Variants in KAT6B observed in about 807,000 individuals in gnomAD.
KAT6B encodes the protein lysine acetyltransferase 6B, also known as histone acetyltransferase KAT6B.
In KAT6B, 10 loss-of-function variants were observed where a neutral mutation model predicts 187.5. That is an observed-to-expected ratio of 0.05 (90% CI 0.03 to 0.09). The LOEUF is 0.09. Ranked by LOEUF, KAT6B falls within the 10% of genes least tolerant of loss-of-function variation. KAT6B has a pLI of 1.00. For missense variants in KAT6B, 1,952 were observed against 2,558.9 expected, an observed-to-expected ratio of 0.76 and a Z score of 5.12; for synonymous variants, 861 against 926.8, an observed-to-expected ratio of 0.93 and a Z score of 1.29.
At chr10:74,978,109 C>T (rs1028240267) in intron 9 of KAT6B, among the ~76,000 whole-genome samples, 6 of 152,232 alleles carry the variant, frequency 3.9e-5, no homozygotes, top group African/African-American at 1.2e-4. Flanking sequence ...TACCCAACCC[C>T]ACTTCCTGTT....
At chr10:74,874,496 A>G (rs927449199) in intron 3 of KAT6B, among the ~76,000 whole-genome samples, 1 of 151,408 alleles carries the variant, frequency 6.6e-6, no homozygotes, top group Non-Finnish European at 1.5e-5. Flanking sequence ...CTCCTGCCTC[A>G]GTCTCCCGAG....
At chr10:74,976,369 C>T (rs376937808) in intron 8 of KAT6B, 39 bp downstream of exon 8, 179 of 1,539,558 alleles carry the variant, frequency 1.2e-4, no homozygotes, top group Non-Finnish European at 1.5e-4. Flanking sequence ...ACCTGCGTCC[C>T]GTCCCTTTCT....
chr10:74,855,191 G>A (rs1318433991), intron 3 of KAT6B, among the ~76,000 whole-genome samples: 1 of 152,192 alleles, frequency 6.6e-6, no homozygotes, highest in African/African-American at 2.4e-5. Flanking sequence ...ATGTCAGTGA[G>A]CTGCCATATG....
At chr10:74,948,370 T>A (rs1840086711) in intron 3 of KAT6B, among the ~76,000 whole-genome samples, 1 of 152,258 alleles carries the variant, frequency 6.6e-6, no homozygotes, top group Admixed American at 6.5e-5. Context: ...CATGTAAATC[T>A]CTGTGAGTGC....
At chr10:74,935,335 A>G (rs1477260724) in intron 3 of KAT6B, among the ~76,000 whole-genome samples, 3 of 152,214 alleles carry the variant, frequency 2.0e-5, no homozygotes, top group Non-Finnish European at 2.9e-5. Context: ...AATTTGGAAA[A>G]GTATTTAGAA....
chr10:74,855,308 T>C (rs1351767132), intron 3 of KAT6B, among the ~76,000 whole-genome samples: 1 of 152,214 alleles, frequency 6.6e-6, no homozygotes, highest in Non-Finnish European at 1.5e-5. Context: ...CTGTTTCTGT[T>C]AGTAGTTTCT....
intron 3 of KAT6B, among the ~76,000 whole-genome samples, chr10:74,872,445 G>A (rs1337182035): frequency 6.6e-6 from 1 of 151,998 alleles, no homozygotes; most frequent in Non-Finnish European, 1.5e-5. Flanking sequence ...ACACGATCTC[G>A]GCTCAGCGCA....
chr10:74,914,308 AGTCCT>A (rs1364550230), intron 3 of KAT6B, among the ~76,000 whole-genome samples: 1 of 152,214 alleles, frequency 6.6e-6, no homozygotes, highest in Non-Finnish European at 1.5e-5. Flanking sequence ...AGAAATTTTA[AGTCCT>A]GTGACAGAAA....
chr10:75,016,863 T>G (rs896922383), intron 13 of KAT6B, among the ~76,000 whole-genome samples: 4 of 148,124 alleles, frequency 2.7e-5, no homozygotes, highest in African/African-American at 1.0e-4. Context: ...TAAGTGCTTT[T>G]TTTTTTTTTT....
chr10:74,991,035 C>T (rs1843099869), intron 13 of KAT6B, among the ~76,000 whole-genome samples: 1 of 152,122 alleles, frequency 6.6e-6, no homozygotes, highest in Non-Finnish European at 1.5e-5. Context: ...AAATCCTGCC[C>T]ATTGTTAAGA....
At chr10:74,860,745 C>T (rs1843119289) in intron 3 of KAT6B, among the ~76,000 whole-genome samples, 1 of 152,194 alleles carries the variant, frequency 6.6e-6, no homozygotes, top group East Asian at 1.9e-4. Context: ...CGCCTGTAAC[C>T]CCAGCACTTT....
chr10:74,942,218 A>G (rs1050382844), intron 3 of KAT6B, among the ~76,000 whole-genome samples: 3 of 152,210 alleles, frequency 2.0e-5, no homozygotes, highest in Admixed American at 1.3e-4. Context: ...CCTCATGAAC[A>G]TAAACACAGA....
chr10:74,912,371 GGATGGATAGATA>G (rs1052096142), intron 3 of KAT6B, among the ~76,000 whole-genome samples: 15 of 62,888 alleles, frequency 2.4e-4, no homozygotes, highest in African/African-American at 8.0e-4. Flanking sequence ...TTAAATGGAT[GGATGGATAGATA>G]GATAGATAGA....
At chr10:74,858,466 A>G (rs1362118767) in intron 3 of KAT6B, among the ~76,000 whole-genome samples, 2 of 151,978 alleles carry the variant, frequency 1.3e-5, no homozygotes, top group South Asian at 2.1e-4. Flanking sequence ...TTTGATAGGC[A>G]TGGGTTTTGC....
At chr10:75,022,296 TTCTG>T in intron 16 of KAT6B, 65 bp downstream of exon 16, 8 of 1,554,888 alleles carry the variant, frequency 5.1e-6, no homozygotes, top group Middle Eastern at 1.7e-4. Context: ...ATTGCAGACA[TTCTG>T]TCTATTAGTA....
intron 2 of KAT6B, 106 bp from the exon 3 acceptor site, chr10:74,842,494 C>A (rs921548143): frequency 3.5e-5 from 17 of 490,988 alleles, no homozygotes; most frequent in Non-Finnish European, 4.7e-5. Flanking sequence ...CCTGTCATTA[C>A]TTCTTGTGGT....
intron 3 of KAT6B, among the ~76,000 whole-genome samples, chr10:74,883,962 AG>A (rs1193897162): frequency 3.9e-5 from 6 of 152,216 alleles, no homozygotes; most frequent in African/African-American, 1.4e-4. Context: ...AGTCTATAAA[AG>A]GAATAGAAGA....
intron 16 of KAT6B, among the ~76,000 whole-genome samples, chr10:75,024,676 A>G (rs1382943931): frequency 6.6e-6 from 1 of 152,240 alleles, no homozygotes; most frequent in Non-Finnish European, 1.5e-5. Context: ...TATGCTAGAA[A>G]AGCAAAGCTT....
Position 74,981,261 on chromosome 10 carries a change from T to G in KAT6B, c.2232-526T>G, listed in dbSNP as rs1259372659. Among the ~76,000 whole-genome samples, 3 of 152,182 alleles carry G rather than the reference T, an allele frequency of 2.0e-5. No homozygotes were observed. The East Asian group carries it at 5.8e-4, about 29-fold the overall frequency. ...TATATTAAAAAATAATGTATGGTTGTTTTTACATTCTGTCTTTACTATTGG... is the reference window on the plus strand; with the variant it reads ...TATATTAAAAAATAATGTATGGTTGGTTTTACATTCTGTCTTTACTATTGG... On this transcript the variant is annotated intron_variant, in intron 10 of 17. Coordinates refer to ENST00000287239, the MANE Select transcript of KAT6B (RefSeq NM_012330.4).
Sources: gnomAD v4.1 joint callset for allele counts (sites outside exome capture counted in the v4.1 genomes callset) on GRCh38, gnomAD v4.1.1 for gene constraint, MANE v1.5 for transcripts, NCBI Gene and HGNC (gene_info 2026-07-23, HGNC 2026-07-21) for gene names.